Variants in CDH23 observed in about 807,000 individuals in gnomAD.
CDH23 encodes cadherin related 23, also known as cadherin-23.
Under a neutral mutation model 317.1 loss-of-function variants are expected in CDH23, and 189 were observed. That is an observed-to-expected ratio of 0.60 (90% confidence interval 0.53 to 0.67). The LOEUF is 0.67. Ranked by LOEUF, CDH23 falls within the 30% of genes least tolerant of loss-of-function variation. The pLI is 0.00. For synonymous variants in CDH23, 1,839 were observed against 1,876.8 expected (o/e 0.98, Z 0.52); for missense variants, 4,401 against 4,592.4 (o/e 0.96, Z 1.20).
intron 9 of CDH23, among the ~76,000 whole-genome samples, chr10:71,612,082 C>T (rs1186057247): frequency 2.0e-5 from 3 of 152,166 alleles, no homozygotes; most frequent in Admixed American, 6.5e-5. Context: ...TCTTACCGAG[C>T]ATCTCACTGA....
At chr10:71,560,645 T>C (rs1203760736) in intron 6 of CDH23, among the ~76,000 whole-genome samples, 2 of 150,812 alleles carry the variant, frequency 1.3e-5, no homozygotes, top group East Asian at 2.0e-4. Context: ...GGAGCGGAGG[T>C]GTATAAAAAT....
chr10:71,606,355 T>C lies in CDH23; in HGVS notation c.833-9149T>C, dbSNP rs1027776646. 3.9e-5 allele frequency among the ~76,000 whole-genome samples: 6 copies of C among 152,236 alleles called. No individual in the cohort carries two copies. The East Asian group carries it at 1.2e-3, about 29-fold the overall frequency. On this transcript the variant is annotated intron_variant, in intron 9 of 69. Transcript: ENST00000224721. ...CTCAGCTCAAACAAACATAGCACTG[T>C]GGCTGCATCAGGAGGGTATTACAGC...
At chr10:71,536,629 G>T (rs1355993164) in intron 6 of CDH23, among the ~76,000 whole-genome samples, 1 of 152,164 alleles carries the variant, frequency 6.6e-6, no homozygotes, top group Non-Finnish European at 1.5e-5. Flanking sequence ...TTTTGGGTGG[G>T]GCAGGGTTGA....
intron 16 of CDH23, among the ~76,000 whole-genome samples, chr10:71,678,457 TCCCCC>T (rs1454112410): frequency 6.6e-6 from 1 of 151,938 alleles, no homozygotes; most frequent in East Asian, 1.9e-4. Flanking sequence ...CTTTTAAATG[TCCCCC>T]CTTCCCCATG....
chr10:71,731,885 G>A (rs1404143854), intron 31 of CDH23, 102 bp from the exon 32 acceptor site: 20 of 1,307,728 alleles, frequency 1.5e-5, no homozygotes, highest in Non-Finnish European at 2.1e-5. Flanking sequence ...AGCCCATGCT[G>A]GGTGGGCCAC....
chr10:71,698,219 A>G (rs1253575421), intron 22 of CDH23, among the ~76,000 whole-genome samples: 1 of 152,248 alleles, frequency 6.6e-6, no homozygotes, highest in Admixed American at 6.5e-5. Context: ...CAAGTTTGTC[A>G]TAGCCAAATA....
At chr10:71,576,337 C>T (rs1304741742) in intron 8 of CDH23, among the ~76,000 whole-genome samples, 8 of 152,176 alleles carry the variant, frequency 5.3e-5, no homozygotes, top group African/African-American at 9.7e-5. Flanking sequence ...CAGGAGAGCA[C>T]GGAGCAACTG....
In CDH23 at chr10:71,815,199, C is replaced by G; in HGVS notation, c.9986C>G (p.Thr3329Arg). 1 of 1,607,068 alleles carries G rather than the reference C, an allele frequency of 6.2e-7. No homozygotes were observed. The highest frequency in any genetic ancestry group is 8.5e-7 in the Non-Finnish European group (1 of 1,175,214). The change falls in exon 70 of 70, where the codon ACA (threonine) becomes AGA (arginine). Residue 3329 changes from threonine to arginine, a missense_variant. Physicochemically the swap from Thr to Arg is moderately conservative, Grantham distance 71. Transcript: ENST00000224721. Reference protein sequence around the residue: ...EATAFERNARTESAKSTPLHK... With the variant: ...EATAFERNARRESAKSTPLHK... ...ACTGCCTTCGAGCGCAACGCCCGCA[C>G]AGAATCCGCCAAATCCACACCCCTG... is the stretch of plus-strand genomic sequence containing the variant.
In CDH23 at chr10:71,807,377, C is replaced by G. The variant is rs1174417978; in HGVS notation, c.8279C>G (p.Pro2760Arg). Residue 2760 changes from proline to arginine, a missense_variant, in exon 58 of 70, where the codon CCC becomes CGC. Pro to Arg is a moderately radical substitution (Grantham distance 103). This residue lies in a region of CDH23 where 1,144 missense variants were observed against 1,138.2 expected (regional missense o/e 1.01). Transcript: ENST00000224721. Reference sequence around the variant, plus strand: ...GGCGCAGTGGATGCAGATGAGGGCCCCAACGCGATCGTGTACTACTTCATC... The same window carrying G: ...GGCGCAGTGGATGCAGATGAGGGCCGCAACGCGATCGTGTACTACTTCATC... ...VTGAVDADEGPNAIVYYFIAA... is the reference protein window; with the variant it reads ...VTGAVDADEGRNAIVYYFIAA... 1 of 1,613,900 alleles carries G rather than the reference C, an allele frequency of 6.2e-7. No homozygotes were observed. Among genetic ancestry groups the G allele is most frequent in the Admixed American group, 1.7e-5 (1 of 60,014 alleles).
At chr10:71,415,293 G>A (rs1008751225) in intron 1 of CDH23, among the ~76,000 whole-genome samples, 2 of 152,002 alleles carry the variant, frequency 1.3e-5, no homozygotes, top group African/African-American at 2.4e-5. Context: ...ATGAGGTCTC[G>A]CTGTGTTGCT....
chr10:71,425,685 C>T (rs1849044900), intron 1 of CDH23, among the ~76,000 whole-genome samples: 1 of 152,222 alleles, frequency 6.6e-6, no homozygotes, highest in Non-Finnish European at 1.5e-5. Context: ...AGGAAGCTCT[C>T]TCTTCAGATG....
chr10:71,526,261 G>A (rs1448727344), intron 6 of CDH23, among the ~76,000 whole-genome samples: 1 of 152,204 alleles, frequency 6.6e-6, no homozygotes, highest in Non-Finnish European at 1.5e-5. Flanking sequence ...GCCTAGCAAA[G>A]TGGCTGTCCC....
In CDH23 at chr10:71,712,824, C is replaced by T. The variant is rs539034178; in HGVS notation, c.3369+11C>T. ...CACAGCATCTTGCAGGCAGGTGGCC[C>T]GTGGCCTCTGGGGCAGGTGGTGGGC... On this transcript the variant is annotated intron_variant, in intron 28 of 69. Coordinates refer to ENST00000224721, the MANE Select transcript of CDH23 (RefSeq NM_022124.6). 1.2e-5 allele frequency: 19 copies of T among 1,608,730 alleles called. No homozygotes were observed. Among genetic ancestry groups the T allele is most frequent in the East Asian group, 2.2e-5 (1 of 44,688 alleles).
intron 22 of CDH23, among the ~76,000 whole-genome samples, chr10:71,697,236 CCTT>C (rs1865425370): frequency 6.6e-6 from 1 of 152,204 alleles, no homozygotes; most frequent in South Asian, 2.1e-4. Flanking sequence ...CTCCACATGT[CCTT>C]CTGAGCCATG....
At position 71,722,884 on chromosome 10, in the gene CDH23, G is replaced by A. The variant is rs558661807; in HGVS notation, c.3370-1161G>A. Among the ~76,000 whole-genome samples, 36 of 152,278 alleles carry A rather than the reference G, an allele frequency of 2.4e-4. No individual in the cohort carries two copies. In the Middle Eastern group the frequency reaches 0.01, roughly 43 times the overall value. ...TTAAGAGGAGAGAGTGGTGGGAAGTGGGGCCCAGGGATGTGCAAGAGAGGG... is the reference window on the plus strand; with the variant it reads ...TTAAGAGGAGAGAGTGGTGGGAAGTAGGGCCCAGGGATGTGCAAGAGAGGG... On this transcript the variant is annotated intron_variant, in intron 28 of 69. Coordinates refer to ENST00000224721, the MANE Select transcript of CDH23 (RefSeq NM_022124.6).
chr10:71,408,101 A>G (rs1589269766), intron 1 of CDH23, among the ~76,000 whole-genome samples: 1 of 152,230 alleles, frequency 6.6e-6, no homozygotes, highest in Non-Finnish European at 1.5e-5. Flanking sequence ...TTTAAATAAC[A>G]TGACGATCTC....
chr10:71,593,482 A>C (rs1859636568), intron 9 of CDH23, among the ~76,000 whole-genome samples: 2 of 152,254 alleles, frequency 1.3e-5, no homozygotes, highest in South Asian at 4.1e-4. Context: ...ACGTCAAAGG[A>C]GTTCCAATTC....
At chr10:71,540,728 T>C (rs1397426225) in intron 6 of CDH23, among the ~76,000 whole-genome samples, 1 of 152,058 alleles carries the variant, frequency 6.6e-6, no homozygotes, top group African/African-American at 2.4e-5. Flanking sequence ...CCCAGCTCTG[T>C]GCAAATCCCA....
chr10:71,410,262 G>T (rs1282434950), intron 1 of CDH23, among the ~76,000 whole-genome samples: 1 of 152,316 alleles, frequency 6.6e-6, no homozygotes, highest in Non-Finnish European at 1.5e-5. Context: ...GTTATTCTCA[G>T]CTTCTGCATT....
Sources: allele counts gnomAD v4.1 joint callset (sites outside exome capture counted in the v4.1 genomes callset), GRCh38; gene constraint gnomAD v4.1.1; regional missense constraint gnomAD v4.1.1; transcripts MANE v1.5; gene names NCBI Gene and HGNC (gene_info 2026-07-23, HGNC 2026-07-21).